SPTA1: variants seen among roughly 807,000 people sequenced by gnomAD.
The protein encoded by SPTA1 is spectrin alpha chain, erythrocytic 1.
A neutral mutation model predicts 324.7 loss-of-function variants in SPTA1; 177 were observed. The ratio of observed to expected loss-of-function variants is 0.55; its 90% CI spans 0.48 to 0.62. The LOEUF (loss-of-function observed/expected upper bound fraction) is 0.62. SPTA1 is among the 20% of genes least tolerant of loss of function. The pLI is 0.00. For synonymous variants in SPTA1, 1,195 were observed against 1,041.3 expected, an observed-to-expected ratio of 1.15 and a Z score of -2.84; for missense variants, 3,162 against 2,883.6, an observed-to-expected ratio of 1.10 and a Z score of -2.21.
chr1:158,676,019 C>T, intron 8 of SPTA1, 122 bp downstream of exon 8: 2 of 1,334,528 alleles, frequency 1.5e-6, no homozygotes, highest in East Asian at 4.7e-5. Context: ...TTTGTCTCTA[C>T]TGAGCAGGCA....
intron 17 of SPTA1, among the ~76,000 whole-genome samples, chr1:158,661,880 T>G (rs143220302): frequency 6.6e-6 from 1 of 152,322 alleles, no homozygotes; most frequent in East Asian, 1.9e-4. Flanking sequence ...TAGAAATAAC[T>G]TACAAAAAGT....
At chr1:158,663,233 A>G (rs1012960095) in intron 16 of SPTA1, among the ~76,000 whole-genome samples, 2 of 152,322 alleles carry the variant, frequency 1.3e-5, no homozygotes, top group East Asian at 3.9e-4. Context: ...GCAGAGTTTG[A>G]TTGTTTAAGA....
chr1:158,675,367 A>C (rs1654322638), intron 8 of SPTA1, among the ~76,000 whole-genome samples: 2 of 152,076 alleles, frequency 1.3e-5, no homozygotes, highest in Non-Finnish European at 2.9e-5. Context: ...AGAATTTTGA[A>C]ATGTTTCTTC....
At chr1:158,677,017 A>T (rs1654434296) in intron 7 of SPTA1, among the ~76,000 whole-genome samples, 1 of 152,188 alleles carries the variant, frequency 6.6e-6, no homozygotes, top group African/African-American at 2.4e-5. Flanking sequence ...GAAACTGGAC[A>T]CAGGGACAGG....
chr1:158,631,191 G>A (rs1055349954), intron 39 of SPTA1, among the ~76,000 whole-genome samples: 1 of 152,154 alleles, frequency 6.6e-6, no homozygotes, highest in African/African-American at 2.4e-5. Context: ...ATTTGCAATT[G>A]CAAAAATAAC....
intron 43 of SPTA1, among the ~76,000 whole-genome samples, chr1:158,622,018 C>G (rs1301528086): frequency 6.6e-6 from 1 of 152,196 alleles, no homozygotes; most frequent in Non-Finnish European, 1.5e-5. Context: ...GTGCCCGCCA[C>G]CACGCCCGGC....
At chr1:158,647,117 C>A (rs1326124769) in intron 27 of SPTA1, among the ~76,000 whole-genome samples, 1 of 152,002 alleles carries the variant, frequency 6.6e-6, no homozygotes, top group East Asian at 1.9e-4. Flanking sequence ...AAAAGTTTGA[C>A]TGATAAGGTG....
intron 23 of SPTA1, 128 bp from the exon 24 acceptor site, chr1:158,651,596 T>G: frequency 1.4e-6 from 1 of 730,404 alleles, no homozygotes. Context: ...ACCAAGCTCC[T>G]CTCCTCCAAT....
chr1:158,674,521 G>C lies in SPTA1; in HGVS notation c.1248+19C>G. On this transcript the variant is annotated intron_variant, in intron 9 of 51. Coordinates refer to ENST00000643759, the MANE Select transcript of SPTA1 (RefSeq NM_003126.4). ...AATAACCTGCCCCCTCCTCCTACTG[G>C]GCAGCCTTTCTTCTCTACCTTATGC... 1 of 1,613,980 alleles carries C rather than the reference G, an allele frequency of 6.2e-7. No homozygotes were observed. Among genetic ancestry groups the C allele is most frequent in the Non-Finnish European group, 8.5e-7 (1 of 1,179,944 alleles).
At chr1:158,623,254 G>GTGGAACCCAGATGT in intron 42 of SPTA1, 62 bp from the exon 43 acceptor site, 1 of 1,383,808 alleles carries the variant, frequency 7.2e-7, no homozygotes, top group Non-Finnish European at 1.0e-6. Flanking sequence ...TTCACATCTG[G>GTGGAACCCAGATGT]GTTCCACCAG....
chr1:158,670,556 T>G lies in SPTA1; in HGVS notation c.1600-770A>C, dbSNP rs751601842. Among the ~76,000 whole-genome samples the G allele has an allele frequency of 1.2e-4, 18 of 152,236 alleles. 1 individual carries two copies. Among genetic ancestry groups the G allele is most frequent in the Non-Finnish European group, 1.6e-4 (11 of 68,014 alleles). On this transcript the variant is annotated intron_variant, in intron 12 of 51. Coordinates refer to ENST00000643759, the MANE Select transcript of SPTA1 (RefSeq NM_003126.4). Reference sequence around the variant, plus strand: ...TTTTTGTTGTTGCTGCTGCTGGTGGTGGAGGTAGTGGTATGTATGTGCATG... The same window carrying G: ...TTTTTGTTGTTGCTGCTGCTGGTGGGGGAGGTAGTGGTATGTATGTGCATG...
intron 30 of SPTA1, 107 bp downstream of exon 30, chr1:158,644,146 A>AG (rs2101833919): frequency 6.7e-7 from 1 of 1,486,074 alleles, no homozygotes; most frequent in East Asian, 2.5e-5. Flanking sequence ...CAAAAAAAAA[A>AG]AAAGTAAATC....
chr1:158,620,581 A>G (rs1649845325), intron 43 of SPTA1, 115 bp from the exon 44 acceptor site: 1 of 1,328,216 alleles, frequency 7.5e-7, no homozygotes, highest in Non-Finnish European at 1.0e-6. Context: ...CCACCAATCT[A>G]AAAGGGCAGA....
intron 33 of SPTA1, among the ~76,000 whole-genome samples, chr1:158,641,752 C>A (rs1307106190): frequency 1.3e-5 from 2 of 152,210 alleles, no homozygotes; most frequent in African/African-American, 4.8e-5. Context: ...GACAGTGTGG[C>A]AATTCCTCAG....
chr1:158,672,668 C>T (rs1393749080), intron 10 of SPTA1, among the ~76,000 whole-genome samples: 1 of 152,044 alleles, frequency 6.6e-6, no homozygotes, highest in Admixed American at 6.6e-5. Flanking sequence ...CATTTTATTC[C>T]CAAAACAAAT....
intron 33 of SPTA1, 90 bp downstream of exon 33, chr1:158,642,321 T>TA (rs889621252): frequency 1.8e-4 from 245 of 1,362,568 alleles, no homozygotes; most frequent in Non-Finnish European, 2.1e-4. Flanking sequence ...ATAATAAAAT[T>TA]AAAAAAAATA....
intron 22 of SPTA1, 57 bp from the exon 23 acceptor site, chr1:158,652,710 AG>A: frequency 6.3e-7 from 1 of 1,584,614 alleles, no homozygotes; most frequent in Non-Finnish European, 8.7e-7. Flanking sequence ...AGAAGAGTAG[AG>A]GCTGAGTGAC....
At position 158,642,459 on chromosome 1, in the gene SPTA1, G is replaced by T. The variant is rs752190913; in HGVS notation, c.4689C>A (p.Asn1563Lys). 3.7e-6 allele frequency: 6 copies of T among 1,613,570 alleles called. No homozygotes were observed. Among genetic ancestry groups the T allele is most frequent in the Non-Finnish European group, 8.5e-7 (1 of 1,179,750 alleles). The change falls in exon 33 of 52, where the codon AAC (asparagine) becomes AAA (lysine). Residue 1563 changes from asparagine to lysine, a missense_variant. By Grantham distance (94) the Asn-to-Lys change is moderately conservative. Coordinates refer to ENST00000643759, the MANE Select transcript of SPTA1 (RefSeq NM_003126.4). ...CACAAGCGCTACACTCAATCAGGGA[G>T]TTCCCCAGGTTGATGACGCCATGCA... is the stretch of plus-strand genomic sequence containing the variant. The part of the protein sequence containing the change: ...EQVHGVINLG[N>K]SLIECSACDG...
At chr1:158,638,652 C>T (rs866681302) in intron 35 of SPTA1, among the ~76,000 whole-genome samples, 30 of 141,524 alleles carry the variant, frequency 2.1e-4, no homozygotes, top group African/African-American at 8.0e-4. Flanking sequence ...CCTGTCTGTA[C>T]TAAAAACACA....
Sources: gnomAD v4.1 joint callset for allele counts (sites outside exome capture counted in the v4.1 genomes callset) on GRCh38, gnomAD v4.1.1 for gene constraint, MANE v1.5 for transcripts, NCBI Gene and HGNC (gene_info 2026-07-23, HGNC 2026-07-21) for gene names.